Variants in ELMO1 observed in about 807,000 individuals in gnomAD.
ELMO1 encodes the protein engulfment and cell motility protein 1.
Under a neutral mutation model 98.9 loss-of-function variants are expected in ELMO1, and 26 were observed. That is an observed-to-expected ratio of 0.26 (90% confidence interval 0.19 to 0.36). The LOEUF (loss-of-function observed/expected upper bound fraction) is 0.36. ELMO1 is among the 10% of genes least tolerant of loss of function. ELMO1 has a pLI of 1.00. For synonymous variants in ELMO1, 346 were observed against 346.0 expected, an observed-to-expected ratio of 1.00 and a Z score of 0.00; for missense variants, 627 against 935.2, an observed-to-expected ratio of 0.67 and a Z score of 4.30.
intron 4 of ELMO1, among the ~76,000 whole-genome samples, chr7:37,299,536 C>T (rs1798243472): frequency 3.8e-5 from 1 of 26,252 alleles, no homozygotes; most frequent in African/African-American, 8.9e-5. Flanking sequence ...GAATCCTTTC[C>T]CCCATTTCTT....
chr7:37,132,065 G>A (rs1489097560), intron 14 of ELMO1, among the ~76,000 whole-genome samples: 1 of 151,996 alleles, frequency 6.6e-6, no homozygotes, highest in Non-Finnish European at 1.5e-5. Context: ...GCTCTCTAGG[G>A]GAATAAATAC....
At chr7:37,180,076 G>C (rs765585772) in intron 13 of ELMO1, among the ~76,000 whole-genome samples, 1 of 152,092 alleles carries the variant, frequency 6.6e-6, no homozygotes, top group Non-Finnish European at 1.5e-5. Context: ...TTAACCCAAA[G>C]GGCTGCACAA....
chr7:37,378,605 A>C (rs930492129), intron 1 of ELMO1, among the ~76,000 whole-genome samples: 1 of 152,228 alleles, frequency 6.6e-6, no homozygotes, highest in Admixed American at 6.5e-5. Flanking sequence ...GAAAAAAAAA[A>C]CTAATATTTA....
intron 1 of ELMO1, among the ~76,000 whole-genome samples, chr7:37,397,548 CA>C (rs1459979954): frequency 2.6e-5 from 4 of 152,218 alleles, no homozygotes; most frequent in African/African-American, 9.6e-5. Flanking sequence ...CTTTGGGCAG[CA>C]TCACCTCTGT....
In ELMO1 at chr7:37,096,612, T is replaced by A. The variant is rs886791979; in HGVS notation, c.1300+7A>T. 6 of 1,613,382 alleles carry A rather than the reference T, an allele frequency of 3.7e-6. No individual in the cohort carries two copies. In the African/African-American group the frequency reaches 6.7e-5, roughly 18 times the overall value. ...TTCACACCCATGTGGGAAATAAGTA[T>A]ACTTACGCAACTCGCCCACTTTCAA... On this transcript the variant is annotated splice_region_variant and intron_variant, in intron 15 of 21. Transcript: ENST00000310758.
Position 37,437,696 on chromosome 7 carries a change from G to A in ELMO1, c.-74+10979C>T, listed in dbSNP as rs1335286113. ...TTTTGAAATATACAATAGGCCGGGCGCGGTGGCTCACGCCTGTAATCCCAG... is the reference window on the plus strand; with the variant it reads ...TTTTGAAATATACAATAGGCCGGGCACGGTGGCTCACGCCTGTAATCCCAG... On this transcript the variant is annotated intron_variant, in intron 1 of 21. Coordinates refer to ENST00000310758, the MANE Select transcript of ELMO1 (RefSeq NM_014800.11). 1.8e-4 allele frequency among the ~76,000 whole-genome samples: 2 copies of A among 10,934 alleles called. 1 individual carries two copies. The highest frequency in any genetic ancestry group is 5.0e-4 in the Non-Finnish European group (2 of 3,966). The allele number at this position is 10,934 out of a possible 152,430, so 7.2% of individuals were successfully genotyped here.
At chr7:37,270,769 T>C (rs1238997069) in intron 5 of ELMO1, 1 of 152,152 alleles carries the variant, frequency 6.6e-6, no homozygotes, top group East Asian at 1.9e-4. Flanking sequence ...AAAGTTCTTA[T>C]GTAGAATCAG....
chr7:37,073,572 ATG>A (rs10676771), intron 15 of ELMO1, among the ~76,000 whole-genome samples: 36 of 146,264 alleles, frequency 2.5e-4, no homozygotes, highest in South Asian at 6.5e-4. Context: ...TTGTTTTTGT[ATG>A]TGTGTGTGTG....
chr7:37,299,247 T>C (rs1185761954), intron 4 of ELMO1, among the ~76,000 whole-genome samples: 5 of 149,388 alleles, frequency 3.3e-5, no homozygotes, highest in African/African-American at 4.9e-5. Flanking sequence ...TCTCCCATTT[T>C]TGTAGGTTGC....
chr7:37,146,819 T>G (rs906435477), intron 13 of ELMO1, among the ~76,000 whole-genome samples: 1 of 152,184 alleles, frequency 6.6e-6, no homozygotes, highest in Non-Finnish European at 1.5e-5. Flanking sequence ...GTGTTGGCAC[T>G]GATACTGATG....
intron 15 of ELMO1, chr7:37,033,510 AC>A (rs1794995295): frequency 4.9e-6 from 2 of 408,244 alleles, no homozygotes; most frequent in East Asian, 1.4e-4. Context: ...AAAAAAATAC[AC>A]CAAACAGACA....
At position 37,125,612 on chromosome 7, in the gene ELMO1, A is replaced by C. The variant is rs572564475; in HGVS notation, c.1191+7518T>G. ...ATACAAAGAGATACCATCTCACACCAGTTAGAATGGCAATCATTAAAAAGT... is the reference window on the plus strand; with the variant it reads ...ATACAAAGAGATACCATCTCACACCCGTTAGAATGGCAATCATTAAAAAGT... On this transcript the variant is annotated intron_variant, in intron 14 of 21. Transcript: ENST00000310758. Among the ~76,000 whole-genome samples, 5 of 152,358 alleles carry C rather than the reference A, an allele frequency of 3.3e-5. No individual in the cohort carries two copies. In the East Asian group the frequency reaches 9.6e-4, roughly 29 times the overall value.
intron 13 of ELMO1, among the ~76,000 whole-genome samples, chr7:37,153,410 G>A (rs539434159): frequency 6.6e-6 from 1 of 152,266 alleles, no homozygotes; most frequent in African/African-American, 2.4e-5. Context: ...GACTCTACCT[G>A]GAGGAACGGT....
intron 4 of ELMO1, among the ~76,000 whole-genome samples, chr7:37,275,246 G>A (rs1796767572): frequency 6.6e-6 from 1 of 152,162 alleles, no homozygotes; most frequent in Admixed American, 6.5e-5. Flanking sequence ...GGAGTCCCAG[G>A]GCTTCCCTGC....
intron 20 of ELMO1, 105 bp from the exon 21 acceptor site, chr7:36,861,841 G>A: frequency 9.6e-7 from 1 of 1,044,430 alleles, no homozygotes; most frequent in Non-Finnish European, 1.5e-6. Context: ...AGCTTGTCTA[G>A]CCAAGCGGAG....
intron 14 of ELMO1, among the ~76,000 whole-genome samples, chr7:37,106,985 T>A (rs530094012): frequency 1.3e-5 from 2 of 152,248 alleles, no homozygotes; most frequent in East Asian, 3.9e-4. Flanking sequence ...AAGTCCAGGG[T>A]CCATATTTTG....
At chr7:37,253,720 TAA>T (rs36042026) in intron 6 of ELMO1, among the ~76,000 whole-genome samples, 240 of 117,842 alleles carry the variant, frequency 2.0e-3, no homozygotes, top group African/African-American at 6.4e-3. Flanking sequence ...GAACTTAAAG[TAA>T]AAAAAAAAAA....
intron 1 of ELMO1, among the ~76,000 whole-genome samples, chr7:37,399,206 G>T (rs548783914): frequency 6.6e-6 from 1 of 152,230 alleles, no homozygotes; most frequent in African/African-American, 2.4e-5. Flanking sequence ...GCCCATGAGG[G>T]CTGGGACCAC....
chr7:36,941,325 G>C (rs747669704), intron 16 of ELMO1, among the ~76,000 whole-genome samples: 1 of 152,218 alleles, frequency 6.6e-6, no homozygotes, highest in Non-Finnish European at 1.5e-5. Context: ...GGTGTCAAGA[G>C]CTGAGAACAC....
Sources: allele counts gnomAD v4.1 joint callset (sites outside exome capture counted in the v4.1 genomes callset), GRCh38; gene constraint gnomAD v4.1.1; transcripts MANE v1.5; gene names NCBI Gene and HGNC (gene_info 2026-07-23, HGNC 2026-07-21).